NBEA: variants seen among roughly 807,000 people sequenced by gnomAD.
NBEA encodes the protein neurobeachin.
NBEA carries 44 observed loss-of-function variants against 343.4 expected under a neutral mutation model. The ratio of observed to expected loss-of-function variants is 0.13; its 90% CI spans 0.10 to 0.16. NBEA has a LOEUF of 0.16. Ranked by LOEUF, NBEA falls within the 10% of genes least tolerant of loss-of-function variation. The pLI, the probability that NBEA is intolerant of heterozygous loss-of-function variation, is 1.00. For missense variants in NBEA, 2,555 were observed against 3,631.3 expected (o/e 0.70, Z 7.62); for synonymous variants, 1,175 against 1,238.7 (o/e 0.95, Z 1.08).
At chr13:35,648,308 A>G (rs1168873944) in intron 51 of NBEA, among the ~76,000 whole-genome samples, 1 of 151,452 alleles carries the variant, frequency 6.6e-6, no homozygotes, top group Non-Finnish European at 1.5e-5. Flanking sequence ...CTAAACAGAA[A>G]GGTTTGCACC....
chr13:35,439,849 T>A (rs2045640487), intron 39 of NBEA, among the ~76,000 whole-genome samples: 1 of 152,300 alleles, frequency 6.6e-6, no homozygotes, highest in Admixed American at 6.5e-5. Flanking sequence ...TCAGTTGCTA[T>A]TTTTTTATTT....
chr13:35,619,604 G>T lies in NBEA; in HGVS notation c.7450-8477G>T, dbSNP rs551183422. Among the ~76,000 whole-genome samples, 3 of 152,208 alleles carry T rather than the reference G, an allele frequency of 2.0e-5. No individual in the cohort carries two copies. The South Asian group carries it at 6.2e-4, about 32-fold the overall frequency. On this transcript the variant is annotated intron_variant, in intron 48 of 58. Coordinates refer to ENST00000379939, the MANE Select transcript of NBEA (RefSeq NM_001385012.1). Reference sequence around the variant, plus strand: ...AGTTCCAAGAGATGGGCCAGAGGGGGCTCAGATATTCTTCACAGATAAGGA... The same window carrying T: ...AGTTCCAAGAGATGGGCCAGAGGGGTCTCAGATATTCTTCACAGATAAGGA...
intron 13 of NBEA, among the ~76,000 whole-genome samples, chr13:35,111,745 T>A (rs1456960224): frequency 2.0e-5 from 3 of 152,024 alleles, no homozygotes; most frequent in Non-Finnish European, 4.4e-5. Context: ...TTGTTTAAAA[T>A]TACTGAGAAA....
At chr13:35,149,471 C>G (rs2068638568) in intron 18 of NBEA, among the ~76,000 whole-genome samples, 1 of 152,052 alleles carries the variant, frequency 6.6e-6, no homozygotes, top group Admixed American at 6.6e-5. Context: ...AATAAATAAT[C>G]ATAAAATAGG....
chr13:35,098,602 TAAA>T (rs557705684), intron 11 of NBEA, among the ~76,000 whole-genome samples, 197 bp downstream of exon 11: 1 of 152,138 alleles, frequency 6.6e-6, no homozygotes, highest in African/African-American at 2.4e-5. Context: ...AAATTTTGAA[TAAA>T]AAAATCTAAA....
chr13:35,421,678 G>T (rs372259902), intron 38 of NBEA, among the ~76,000 whole-genome samples: 10 of 152,138 alleles, frequency 6.6e-5, no homozygotes, highest in Admixed American at 6.6e-5. Flanking sequence ...TTACAGGACT[G>T]CCTATAGCCT....
chr13:35,216,839 G>C (rs902329711), intron 33 of NBEA, among the ~76,000 whole-genome samples: 2 of 151,792 alleles, frequency 1.3e-5, no homozygotes, highest in Non-Finnish European at 2.9e-5. Flanking sequence ...CCAGTTTGGG[G>C]CTATTAAAAA....
At chr13:35,066,446 A>C (rs767768663) in intron 8 of NBEA, among the ~76,000 whole-genome samples, 2 of 152,066 alleles carry the variant, frequency 1.3e-5, no homozygotes, top group African/African-American at 2.4e-5. Context: ...ATTTCTTCAG[A>C]GATTTCTTCA....
intron 38 of NBEA, among the ~76,000 whole-genome samples, chr13:35,366,064 T>TAATA (rs1321629646): frequency 6.6e-6 from 1 of 151,632 alleles, no homozygotes; most frequent in African/African-American, 2.4e-5. Flanking sequence ...AGACTATTTA[T>TAATA]GTTTATGGCA....
At chr13:35,579,076 A>T (rs2080886132) in intron 45 of NBEA, among the ~76,000 whole-genome samples, 1 of 152,152 alleles carries the variant, frequency 6.6e-6, no homozygotes. Flanking sequence ...TGGATTAGGG[A>T]TGCTCAACCT....
intron 1 of NBEA, among the ~76,000 whole-genome samples, chr13:34,959,105 T>G (rs2152489844): frequency 6.6e-6 from 1 of 152,314 alleles, no homozygotes; most frequent in Non-Finnish European, 1.5e-5. Context: ...AATAGTATTA[T>G]ATGTAATAAT....
chr13:35,353,515 G>C (rs1032501337), intron 38 of NBEA, among the ~76,000 whole-genome samples: 5 of 152,092 alleles, frequency 3.3e-5, no homozygotes, highest in South Asian at 2.1e-4. Flanking sequence ...GATTATGAGT[G>C]TAAGATAGGT....
chr13:35,385,829 C>T (rs9544205), intron 38 of NBEA, among the ~76,000 whole-genome samples: 105,913 of 152,158 alleles, frequency 0.7, 39,192 homozygotes, highest in Non-Finnish European at 0.81. Context: ...CAGGGATTGG[C>T]TTTATATAAG....
intron 44 of NBEA, among the ~76,000 whole-genome samples, chr13:35,558,179 G>A (rs960320921): frequency 1.3e-5 from 2 of 152,164 alleles, no homozygotes; most frequent in Non-Finnish European, 2.9e-5. Flanking sequence ...ACAGAAGCAA[G>A]TAAAGTATGG....
intron 38 of NBEA, among the ~76,000 whole-genome samples, chr13:35,353,305 G>C (rs1190272000): frequency 6.6e-6 from 1 of 152,024 alleles, no homozygotes; most frequent in African/African-American, 2.4e-5. Flanking sequence ...CGTGGTGGCG[G>C]GCACCTGTAA....
chr13:35,257,002 T>C (rs563192208), intron 34 of NBEA, among the ~76,000 whole-genome samples: 3 of 152,300 alleles, frequency 2.0e-5, no homozygotes, highest in Admixed American at 2.0e-4. Context: ...CCCCACCTAG[T>C]CCATGCAGCC....
At chr13:35,354,323 A>G (rs1290191032) in intron 38 of NBEA, among the ~76,000 whole-genome samples, 1 of 152,180 alleles carries the variant, frequency 6.6e-6, no homozygotes, top group African/African-American at 2.4e-5. Flanking sequence ...CTGTAACATT[A>G]TATTGCTAGT....
chr13:35,174,949 C>G (rs191546846), intron 27 of NBEA, among the ~76,000 whole-genome samples: 1 of 151,886 alleles, frequency 6.6e-6, no homozygotes, highest in Non-Finnish European at 1.5e-5. Context: ...TGTGCCACCA[C>G]GCCCAGCTAA....
chr13:35,558,572 C>G (rs1410376445), intron 44 of NBEA, among the ~76,000 whole-genome samples: 1 of 152,142 alleles, frequency 6.6e-6, no homozygotes, highest in Non-Finnish European at 1.5e-5. Flanking sequence ...GTTTCACTGT[C>G]ATTTGTTCTA....
Sources: allele counts gnomAD v4.1 joint callset (sites outside exome capture counted in the v4.1 genomes callset), GRCh38; gene constraint gnomAD v4.1.1; transcripts MANE v1.5; gene names NCBI Gene and HGNC (gene_info 2026-07-23, HGNC 2026-07-21).